GABRG3: variants seen among roughly 807,000 people sequenced by gnomAD.
GABRG3 encodes the protein gamma-aminobutyric acid receptor subunit gamma-3.
In GABRG3, 25 loss-of-function variants were observed where a neutral mutation model predicts 48.8. The ratio of observed to expected loss-of-function variants is 0.51; its 90% CI spans 0.37 to 0.72. The LOEUF is 0.72. Among genes scored for constraint, GABRG3 ranks in the 30% least tolerant of loss-of-function variants. The pLI is 0.00. For missense variants in GABRG3, 394 were observed against 577.9 expected (o/e 0.68, Z 3.26); for synonymous variants, 227 against 217.6 (o/e 1.04, Z -0.38).
intron 6 of GABRG3, among the ~76,000 whole-genome samples, chr15:27,491,457 G>A (rs1048538347): frequency 2.6e-5 from 4 of 152,128 alleles, no homozygotes; most frequent in Non-Finnish European, 1.5e-5. Flanking sequence ...TGTCCGTAGG[G>A]GGTTTCCTTG....
At chr15:27,205,554 A>G (rs1888824922) in intron 3 of GABRG3, among the ~76,000 whole-genome samples, 1 of 152,046 alleles carries the variant, frequency 6.6e-6, no homozygotes, top group Non-Finnish European at 1.5e-5. Context: ...TGGTTTTGGT[A>G]TCAGAATGAT....
intron 3 of GABRG3, among the ~76,000 whole-genome samples, chr15:27,037,219 T>C (rs1896194455): frequency 6.6e-6 from 1 of 152,192 alleles, no homozygotes; most frequent in African/African-American, 2.4e-5. Context: ...ACATTTGTTG[T>C]GTGAGCCCCG....
intron 5 of GABRG3, among the ~76,000 whole-genome samples, chr15:27,479,381 T>G (rs1427297271): frequency 6.6e-6 from 1 of 152,178 alleles, no homozygotes; most frequent in Non-Finnish European, 1.5e-5. Flanking sequence ...AGGGAGAGCA[T>G]GTATCCCTGC....
chr15:27,366,859 C>T (rs531170643), intron 5 of GABRG3, among the ~76,000 whole-genome samples: 3 of 152,316 alleles, frequency 2.0e-5, no homozygotes, highest in South Asian at 2.1e-4. Context: ...GACCTGGCCT[C>T]ACTGTTTCTG....
At chr15:26,973,277 A>C (rs1309143518) in intron 1 of GABRG3, among the ~76,000 whole-genome samples, 1 of 152,080 alleles carries the variant, frequency 6.6e-6, no homozygotes, top group Non-Finnish European at 1.5e-5. Context: ...TATACACAAA[A>C]TCTCTTGGGA....
chr15:27,321,469 A>G (rs1893423602), intron 3 of GABRG3, among the ~76,000 whole-genome samples: 1 of 152,220 alleles, frequency 6.6e-6, no homozygotes, highest in Admixed American at 6.5e-5. Context: ...GAAACAAAAA[A>G]ACATATATTT....
chr15:27,442,287 T>C (rs1888812721), intron 5 of GABRG3, among the ~76,000 whole-genome samples: 1 of 152,184 alleles, frequency 6.6e-6, no homozygotes, highest in Admixed American at 6.5e-5. Context: ...AAGTGGCTTA[T>C]ACACACCACT....
chr15:27,360,397 G>T (rs1337217650), intron 5 of GABRG3, among the ~76,000 whole-genome samples: 1 of 152,184 alleles, frequency 6.6e-6, no homozygotes, highest in Non-Finnish European at 1.5e-5. Context: ...CTCTCCATCT[G>T]GGAGTTATGG....
At chr15:27,144,200 A>G (rs1898156562) in intron 3 of GABRG3, among the ~76,000 whole-genome samples, 1 of 152,140 alleles carries the variant, frequency 6.6e-6, no homozygotes, top group Non-Finnish European at 1.5e-5. Flanking sequence ...AAAATATCTC[A>G]GTCTTGGGAA....
chr15:27,371,798 A>T (rs1895424295), intron 5 of GABRG3, among the ~76,000 whole-genome samples: 2 of 139,662 alleles, frequency 1.4e-5, no homozygotes, highest in African/African-American at 5.2e-5. Context: ...TTTTATATAA[A>T]CATATTTTAG....
At chr15:27,532,427 CAAAA>C (rs374534463) in intron 9 of GABRG3, among the ~76,000 whole-genome samples, 169 bp from the exon 10 acceptor site, 1 of 74,676 alleles carries the variant, frequency 1.3e-5, no homozygotes. Flanking sequence ...TCCTTAAAAC[CAAAA>C]AAAAAAAAAA....
intron 2 of GABRG3, among the ~76,000 whole-genome samples, chr15:26,990,751 TGTAGTA>T (rs1351050063): frequency 6.6e-6 from 1 of 152,052 alleles, no homozygotes; most frequent in African/African-American, 2.4e-5. Context: ...TTGTAGTACT[TGTAGTA>T]GTTCCATATT....
intron 3 of GABRG3, among the ~76,000 whole-genome samples, chr15:27,321,623 G>A (rs1161822848): frequency 6.6e-6 from 1 of 152,204 alleles, no homozygotes; most frequent in African/African-American, 2.4e-5. Flanking sequence ...AACAGCCAGT[G>A]GCTTCTTTTC....
chr15:27,216,249 G>A (rs1360359143), intron 3 of GABRG3, among the ~76,000 whole-genome samples: 2 of 152,220 alleles, frequency 1.3e-5, no homozygotes, highest in Non-Finnish European at 2.9e-5. Context: ...TGCAAATCAG[G>A]TAATGGAGTC....
intron 5 of GABRG3, among the ~76,000 whole-genome samples, chr15:27,428,717 G>A (rs960250054): frequency 1.3e-5 from 2 of 152,216 alleles, no homozygotes; most frequent in African/African-American, 4.8e-5. Flanking sequence ...ATGGGGGGAA[G>A]TCTTCCTTCA....
chr15:27,095,311 A>G (rs1176312880), intron 3 of GABRG3, among the ~76,000 whole-genome samples: 1 of 152,244 alleles, frequency 6.6e-6, no homozygotes, highest in Non-Finnish European at 1.5e-5. Context: ...TCACTGTGGT[A>G]TAAGAATTGG....
In GABRG3 at chr15:27,536,785, A is replaced by G. The variant is rs1891555888; in HGVS notation, c.*3904A>G. 6.6e-6 allele frequency: 1 copy of G among 152,200 alleles called. No individual in the cohort carries two copies. Among genetic ancestry groups the G allele is most frequent in the Non-Finnish European group, 1.5e-5 (1 of 68,042 alleles). The allele number at this position is 152,200 out of a possible 1,614,324, so 9.4% of individuals were successfully genotyped here. On this transcript the variant is annotated 3_prime_UTR_variant, in exon 10 of 10. Transcript: ENST00000615808. ...GCAATATAACCACACTCGAAGCAAC[A>G]GGAGAGGGGCCGGTAACCCATTCTG...
intron 3 of GABRG3, among the ~76,000 whole-genome samples, chr15:27,052,820 G>A (rs1369200211): frequency 2.6e-5 from 4 of 152,058 alleles, no homozygotes; most frequent in Non-Finnish European, 2.9e-5. Flanking sequence ...ACAGACATAC[G>A]GACAAGTGGA....
At chr15:27,208,577 C>T in intron 3 of GABRG3, 1 of 180,254 alleles carries the variant, frequency 5.5e-6, no homozygotes, top group Non-Finnish European at 1.1e-5. Context: ...GTAGCAGCCA[C>T]TGCTGTCTGA....
Sources: gnomAD v4.1 joint callset for allele counts (sites outside exome capture counted in the v4.1 genomes callset) on GRCh38, gnomAD v4.1.1 for gene constraint, MANE v1.5 for transcripts, NCBI Gene and HGNC (gene_info 2026-07-23, HGNC 2026-07-21) for gene names.